The following MARCHF1 variants were observed in gnomAD, a reference collection of about 807,000 sequenced individuals.
The protein encoded by MARCHF1 is membrane associated ring-CH-type finger 1.
In MARCHF1, 40 loss-of-function variants were observed where a neutral mutation model predicts 54.2. That is an observed-to-expected ratio of 0.74 (90% confidence interval 0.57 to 0.96). MARCHF1 has a LOEUF of 0.96. Among genes scored for constraint, MARCHF1 ranks in the 40% least tolerant of loss-of-function variants. The probability of loss-of-function intolerance (pLI) is 0.00; values close to 1 mark genes in which losing one functional copy is unlikely to be tolerated. For synonymous variants in MARCHF1, 236 were observed against 236.3 expected (o/e 1.00, Z 0.01); for missense variants, 586 against 656.5 (o/e 0.89, Z 1.17).
In MARCHF1 at chr4:164,148,550, GCA is replaced by G. The variant is rs371655159; in HGVS notation, c.-322-36890_-322-36889del. Among the ~76,000 whole-genome samples, 157 of 151,990 alleles carry G rather than the reference GCA, an allele frequency of 1.0e-3. 2 individuals are homozygous for G. The South Asian group carries it at 0.012, about 11-fold the overall frequency. Reference sequence around the variant, plus strand: ...TCAGTCTGTAAAAATCTTTAGGTGAGCACAGTTTCTTCTGTTTTCCTTCTGTT... The same window carrying G: ...TCAGTCTGTAAAAATCTTTAGGTGAGCAGTTTCTTCTGTTTTCCTTCTGTT... On this transcript the variant is annotated intron_variant, in intron 1 of 9. Coordinates refer to ENST00000514618, the MANE Select transcript of MARCHF1 (RefSeq NM_001394959.1).
chr4:164,250,563 C>T (rs1376697636), intron 1 of MARCHF1, among the ~76,000 whole-genome samples: 1 of 152,004 alleles, frequency 6.6e-6, no homozygotes, highest in African/African-American at 2.4e-5. Context: ...ATAAAGTTAA[C>T]ATCACTTATA....
intron 1 of MARCHF1, among the ~76,000 whole-genome samples, chr4:164,170,288 A>T (rs1730487773): frequency 6.6e-6 from 1 of 152,156 alleles, no homozygotes; most frequent in Non-Finnish European, 1.5e-5. Context: ...GCAAAGGTCT[A>T]CTTTTTCATG....
chr4:164,138,599 G>T (rs1173887049), intron 1 of MARCHF1, among the ~76,000 whole-genome samples: 1 of 152,214 alleles, frequency 6.6e-6, no homozygotes, highest in Non-Finnish European at 1.5e-5. Context: ...CCACAACTCA[G>T]TTGAAGCGGT....
At chr4:164,159,478 G>C (rs1228244637) in intron 1 of MARCHF1, among the ~76,000 whole-genome samples, 1 of 151,990 alleles carries the variant, frequency 6.6e-6, no homozygotes, top group South Asian at 2.1e-4. Context: ...ACACAATGGA[G>C]GAAGAACCAA....
chr4:163,891,937 C>T (rs1287603183), intron 3 of MARCHF1, among the ~76,000 whole-genome samples: 1 of 152,102 alleles, frequency 6.6e-6, no homozygotes, highest in Non-Finnish European at 1.5e-5. Context: ...CAATCATCAA[C>T]TAATATATGT....
chr4:163,851,448 T>TGTGGGAA (rs1236264406), intron 4 of MARCHF1, among the ~76,000 whole-genome samples: 1 of 152,180 alleles, frequency 6.6e-6, no homozygotes, highest in African/African-American at 2.4e-5. Context: ...ATATTGGGTG[T>TGTGGGAA]GTGGGAAGTG....
chr4:164,188,291 T>C (rs770948148), intron 1 of MARCHF1: 1 of 309,250 alleles, frequency 3.2e-6, no homozygotes, highest in Non-Finnish European at 6.3e-6. Context: ...TTCGCAATTG[T>C]GAGAGGCGGG....
At chr4:164,055,450 A>G (rs1321057978) in intron 2 of MARCHF1, among the ~76,000 whole-genome samples, 5 of 151,978 alleles carry the variant, frequency 3.3e-5, no homozygotes, top group African/African-American at 1.2e-4. Context: ...TCTCAAAAAA[A>G]AAAAAAAAAA....
At chr4:164,241,230 A>T (rs540322397) in intron 1 of MARCHF1, among the ~76,000 whole-genome samples, 1 of 152,150 alleles carries the variant, frequency 6.6e-6, no homozygotes, top group African/African-American at 2.4e-5. Context: ...ACCAATCAGC[A>T]GTATCTATTC....
chr4:163,696,276 C>T (rs892476671), intron 5 of MARCHF1, among the ~76,000 whole-genome samples: 5 of 152,088 alleles, frequency 3.3e-5, no homozygotes, highest in East Asian at 3.8e-4. Context: ...TTGATGTTCA[C>T]GAGCAATTGC....
intron 4 of MARCHF1, among the ~76,000 whole-genome samples, chr4:163,771,116 C>A (rs935823592): frequency 2.6e-5 from 4 of 152,062 alleles, no homozygotes; most frequent in Admixed American, 2.0e-4. Flanking sequence ...TTAGTTATTC[C>A]TTTCCCAATT....
At chr4:164,302,776 T>C (rs1179071911) in intron 1 of MARCHF1, among the ~76,000 whole-genome samples, 2 of 147,088 alleles carry the variant, frequency 1.4e-5, no homozygotes, top group African/African-American at 2.5e-5. Context: ...GGCTGAGGCA[T>C]GAGAATCACT....
intron 1 of MARCHF1, among the ~76,000 whole-genome samples, chr4:164,229,143 A>G (rs977504014): frequency 1.3e-5 from 2 of 152,220 alleles, no homozygotes; most frequent in African/African-American, 4.8e-5. Context: ...GTAGTTTTCA[A>G]TGTCAACAAA....
At chr4:163,768,395 T>A (rs979162743) in intron 4 of MARCHF1, among the ~76,000 whole-genome samples, 2 of 152,202 alleles carry the variant, frequency 1.3e-5, no homozygotes, top group African/African-American at 2.4e-5. Flanking sequence ...ATTAATACTT[T>A]AAGTTGCCTT....
At chr4:164,318,703 A>G (rs544128892) in intron 1 of MARCHF1, among the ~76,000 whole-genome samples, 15 of 152,322 alleles carry the variant, frequency 9.8e-5, no homozygotes, top group African/African-American at 3.6e-4. Flanking sequence ...CTATGTGGCT[A>G]TTGTTAAATG....
chr4:163,937,428 C>T (rs1751822039), intron 3 of MARCHF1, among the ~76,000 whole-genome samples: 1 of 151,768 alleles, frequency 6.6e-6, no homozygotes, highest in Non-Finnish European at 1.5e-5. Context: ...AAGGAATGAA[C>T]TCAAATCTTT....
At chr4:163,548,275 C>T (rs1027324020) in intron 8 of MARCHF1, among the ~76,000 whole-genome samples, 4 of 152,274 alleles carry the variant, frequency 2.6e-5, no homozygotes, top group East Asian at 1.9e-4. Context: ...AACAGCTTCA[C>T]GTTTTTAAAG....
chr4:164,289,797 C>T (rs1019673592), intron 1 of MARCHF1, among the ~76,000 whole-genome samples: 1 of 151,878 alleles, frequency 6.6e-6, no homozygotes, highest in Non-Finnish European at 1.5e-5. Flanking sequence ...TCTTCAGTGA[C>T]TTATCAAAGT....
At chr4:163,770,595 C>T (rs536500082) in intron 4 of MARCHF1, among the ~76,000 whole-genome samples, 20 of 148,240 alleles carry the variant, frequency 1.3e-4, no homozygotes, top group African/African-American at 4.4e-4. Context: ...CATGCACTCA[C>T]GTAATAATGA....
Sources: allele counts gnomAD v4.1 joint callset (sites outside exome capture counted in the v4.1 genomes callset), GRCh38; gene constraint gnomAD v4.1.1; transcripts MANE v1.5; gene names NCBI Gene and HGNC (gene_info 2026-07-23, HGNC 2026-07-21).